AMOTL1: variants seen among roughly 807,000 people sequenced by gnomAD.
AMOTL1 encodes the protein angiomotin like 1, also known as angiomotin-like protein 1.
A neutral mutation model predicts 102.9 loss-of-function variants in AMOTL1; 45 were observed. The observed-to-expected ratio is 0.44, with a 90% CI of 0.34 to 0.56. AMOTL1 has a LOEUF of 0.56. AMOTL1 is among the 20% of genes least tolerant of loss of function. AMOTL1 has a pLI of 0.01. For synonymous variants in AMOTL1, 481 were observed against 484.7 expected (o/e 0.99, Z 0.10); for missense variants, 1,114 against 1,225.6 (o/e 0.91, Z 1.36).
chr11:94,849,314 A>G (rs1391533348), intron 6 of AMOTL1, among the ~76,000 whole-genome samples: 3 of 152,200 alleles, frequency 2.0e-5, no homozygotes, highest in African/African-American at 7.2e-5. Flanking sequence ...CTTATTTTTA[A>G]AAAACAGCAT....
rs115001674 is a variant in AMOTL1, at chr11:94,864,182, A to G, written c.2136-553A>G. 2.4e-3 allele frequency among the ~76,000 whole-genome samples: 371 copies of G among 152,058 alleles called. 5 individuals carry two copies. The highest frequency in any genetic ancestry group is 8.2e-3 in the African/African-American group (341 of 41,476). ...GATGATAAACAGAAATAAAACCTAA[A>G]CTCTGATTGGAAAAGTGAGGTATAG... On this transcript the variant is annotated intron_variant, in intron 9 of 12. Transcript: ENST00000433060.
intron 6 of AMOTL1, among the ~76,000 whole-genome samples, chr11:94,848,913 TATGA>T (rs1344084633): frequency 2.6e-5 from 4 of 152,184 alleles, no homozygotes; most frequent in Non-Finnish European, 5.9e-5. Context: ...TAGACAGAAA[TATGA>T]ATGAATGCAA....
chr11:94,724,877 A>C (rs1950230734), intron 1 of AMOTL1, among the ~76,000 whole-genome samples: 2 of 152,158 alleles, frequency 1.3e-5, no homozygotes, highest in African/African-American at 4.8e-5. Flanking sequence ...CGTTAGAACT[A>C]GGGGTTGCTT....
At chr11:94,810,482 T>G (rs1433468803) in intron 3 of AMOTL1, among the ~76,000 whole-genome samples, 2 of 107,368 alleles carry the variant, frequency 1.9e-5, no homozygotes, top group Non-Finnish European at 3.6e-5. Context: ...TCTGCTACAA[T>G]AACTATTTTA....
chr11:94,742,120 G>A (rs1037144454), intron 3 of AMOTL1, among the ~76,000 whole-genome samples: 3 of 152,212 alleles, frequency 2.0e-5, no homozygotes, highest in African/African-American at 4.8e-5. Context: ...TTTATTCAGA[G>A]GATGTGTTTC....
intron 1 of AMOTL1, among the ~76,000 whole-genome samples, chr11:94,782,457 A>G (rs571328893): frequency 3.5e-4 from 54 of 152,314 alleles, no homozygotes; most frequent in African/African-American, 1.3e-3. Flanking sequence ...GTTTCAATGT[A>G]TGGAAGATCT....
intron 1 of AMOTL1, among the ~76,000 whole-genome samples, chr11:94,783,260 G>A (rs1405231778): frequency 6.6e-6 from 1 of 152,088 alleles, no homozygotes; most frequent in Non-Finnish European, 1.5e-5. Context: ...GTTCTCATGG[G>A]GATTGAGTGA....
chr11:94,794,363 G>T (rs1179737075), intron 1 of AMOTL1, among the ~76,000 whole-genome samples: 1 of 152,184 alleles, frequency 6.6e-6, no homozygotes, highest in Non-Finnish European at 1.5e-5. Flanking sequence ...CTGAAGGACT[G>T]AACACAGTGT....
intron 3 of AMOTL1, among the ~76,000 whole-genome samples, chr11:94,751,798 A>ACT (rs1555063230): frequency 1.6e-4 from 25 of 151,516 alleles, no homozygotes; most frequent in African/African-American, 6.1e-4. Flanking sequence ...ACACACACAC[A>ACT]CACGTGCACA....
At chr11:94,838,700 C>G (rs1952233187) in intron 6 of AMOTL1, among the ~76,000 whole-genome samples, 1 of 152,186 alleles carries the variant, frequency 6.6e-6, no homozygotes, top group Admixed American at 6.5e-5. Context: ...AAAGTATTCC[C>G]TAGATCTTAC....
At chr11:94,769,816 C>G (rs1213761429) in intron 1 of AMOTL1, among the ~76,000 whole-genome samples, 1 of 152,092 alleles carries the variant, frequency 6.6e-6, no homozygotes, top group African/African-American at 2.4e-5. Flanking sequence ...TCTCCTGAGG[C>G]ATGTTATGAG....
chr11:94,819,674 C>T (rs1951828943), intron 3 of AMOTL1, among the ~76,000 whole-genome samples: 1 of 152,132 alleles, frequency 6.6e-6, no homozygotes, highest in Non-Finnish European at 1.5e-5. Flanking sequence ...TCTCTCATGT[C>T]TCCCTAACGT....
intron 6 of AMOTL1, among the ~76,000 whole-genome samples, chr11:94,848,292 G>A (rs1261791183): frequency 1.3e-5 from 2 of 152,084 alleles, no homozygotes; most frequent in East Asian, 1.9e-4. Flanking sequence ...AGTTTCAGAG[G>A]CACCATTTCA....
In AMOTL1 at chr11:94,850,677, G is replaced by A. The variant is rs564336342; in HGVS notation, c.1794+418G>A. Among the ~76,000 whole-genome samples, 13 of 152,314 alleles carry A rather than the reference G, an allele frequency of 8.5e-5. No individual in the cohort carries two copies. In the South Asian group the frequency reaches 2.5e-3, roughly 29 times the overall value. ...CCGAGGTCCAAGCCAAGGAATCCAGGCTATAGATGAAGAAGAAGAAAAGGA... is the reference window on the plus strand; with the variant it reads ...CCGAGGTCCAAGCCAAGGAATCCAGACTATAGATGAAGAAGAAGAAAAGGA... On this transcript the variant is annotated intron_variant, in intron 7 of 12. Coordinates refer to ENST00000433060, the MANE Select transcript of AMOTL1 (RefSeq NM_130847.3).
chr11:94,795,580 T>G (rs1231450098), intron 2 of AMOTL1, among the ~76,000 whole-genome samples: 1 of 152,238 alleles, frequency 6.6e-6, no homozygotes, highest in Non-Finnish European at 1.5e-5. Context: ...AGCTGTCTCC[T>G]TTGTAAAAAC....
At chr11:94,850,051 G>C (rs1952499199) in intron 6 of AMOTL1, 63 bp from the exon 7 acceptor site, 2 of 1,500,126 alleles carry the variant, frequency 1.3e-6, no homozygotes, top group African/African-American at 2.8e-5. Context: ...ATGTCGACTG[G>C]CCGTGAGCCC....
At chr11:94,840,995 C>A (rs1320732148) in intron 6 of AMOTL1, among the ~76,000 whole-genome samples, 1 of 152,108 alleles carries the variant, frequency 6.6e-6, no homozygotes, top group South Asian at 2.1e-4. Flanking sequence ...CAGAAACTGT[C>A]TGCTTCTGTT....
intron 9 of AMOTL1, 120 bp from the exon 10 acceptor site, chr11:94,864,615 C>A (rs545046151): frequency 1.8e-5 from 24 of 1,368,214 alleles, no homozygotes; most frequent in Non-Finnish European, 2.3e-5. Context: ...TGAGCCAATG[C>A]GAGATGCAGA....
rs757694094 is a variant in AMOTL1, at chr11:94,769,343, G to C, written c.49+783G>C. Among the ~76,000 whole-genome samples, 4 of 152,160 alleles carry C rather than the reference G, an allele frequency of 2.6e-5. No individual in the cohort carries two copies. In the East Asian group the frequency reaches 7.7e-4, roughly 29 times the overall value. ...CCGAGCGGAACGGTGGCCTAGTGCCGGGACAGGGACCGAGCGTGCCCCATA... is the reference window on the plus strand; with the variant it reads ...CCGAGCGGAACGGTGGCCTAGTGCCCGGACAGGGACCGAGCGTGCCCCATA... On this transcript the variant is annotated intron_variant, in intron 1 of 12. Coordinates refer to ENST00000433060, the MANE Select transcript of AMOTL1 (RefSeq NM_130847.3).
Sources: gnomAD v4.1 joint callset for allele counts (sites outside exome capture counted in the v4.1 genomes callset) on GRCh38, gnomAD v4.1.1 for gene constraint, MANE v1.5 for transcripts, NCBI Gene and HGNC (gene_info 2026-07-23, HGNC 2026-07-21) for gene names.